Variants in BBS5 observed in about 807,000 individuals in gnomAD.
BBS5 encodes the protein BBSome complex member BBS5.
A neutral mutation model predicts 50.2 loss-of-function variants in BBS5; 39 were observed. The observed-to-expected ratio is 0.78, with a 90% CI of 0.60 to 1.01. The LOEUF is 1.01. Among genes scored for constraint, BBS5 ranks in the 50% least tolerant of loss-of-function variants. BBS5 has a pLI of 0.00. For missense variants in BBS5, 356 were observed against 401.5 expected, an observed-to-expected ratio of 0.89 and a Z score of 0.97; for synonymous variants, 134 against 133.1, an observed-to-expected ratio of 1.01 and a Z score of -0.05.
intron 5 of BBS5, among the ~76,000 whole-genome samples, chr2:169,488,434 C>G (rs1253096527): frequency 6.6e-6 from 1 of 152,222 alleles, no homozygotes. Flanking sequence ...AAGGAGGGCA[C>G]AGTCTAGATC....
chr2:169,499,281 C>G, intron 8 of BBS5: 3 of 525,654 alleles, frequency 5.7e-6, no homozygotes, highest in Non-Finnish European at 1.0e-5. Flanking sequence ...CTTCTTGAAG[C>G]TGGATGATGG....
Position 169,493,019 on chromosome 2 carries a change from A to G in BBS5, c.522+10A>G. ...TTTATCCAGTGATCAGGTATTGTGCAAAGAGCTAGTGAACCTTTTGGGACA... is the reference window on the plus strand; with the variant it reads ...TTTATCCAGTGATCAGGTATTGTGCGAAGAGCTAGTGAACCTTTTGGGACA... On this transcript the variant is annotated intron_variant, in intron 6 of 11. Transcript: ENST00000295240. 1.2e-6 allele frequency: 2 copies of G among 1,613,460 alleles called. No individual in the cohort carries two copies. Among genetic ancestry groups the G allele is most frequent in the African/African-American group, 2.7e-5 (2 of 75,058 alleles).
intron 2 of BBS5, among the ~76,000 whole-genome samples, chr2:169,483,868 G>T (rs1683443706): frequency 6.6e-6 from 1 of 152,144 alleles, no homozygotes; most frequent in African/African-American, 2.4e-5. Context: ...TTTGAGGGTG[G>T]AATAATAATC....
At chr2:169,487,047 T>C (rs1365743067) in intron 2 of BBS5, 22 bp from the exon 3 acceptor site, 1 of 1,577,982 alleles carries the variant, frequency 6.3e-7, no homozygotes, top group African/African-American at 1.3e-5. Flanking sequence ...AGTTAACCTA[T>C]TTTTTGTCTG....
intron 1 of BBS5, 116 bp from the exon 2 acceptor site, chr2:169,482,135 T>C (rs1683407826): frequency 1.3e-6 from 1 of 759,994 alleles, no homozygotes; most frequent in South Asian, 1.5e-5. Flanking sequence ...GAACATTTGG[T>C]ACAGTATTAT....
At chr2:169,500,550 C>T (rs1032727030) in intron 9 of BBS5, among the ~76,000 whole-genome samples, 3 of 152,186 alleles carry the variant, frequency 2.0e-5, no homozygotes, top group Non-Finnish European at 4.4e-5. Flanking sequence ...TGTTGGTGCC[C>T]TTGCCGTTTA....
intron 5 of BBS5, among the ~76,000 whole-genome samples, chr2:169,491,359 T>C (rs189910904): frequency 6.6e-6 from 1 of 152,324 alleles, no homozygotes; most frequent in African/African-American, 2.4e-5. Context: ...GTATTGATGA[T>C]AACAGCACTA....
In BBS5 at chr2:169,504,890, C is replaced by CA; in HGVS notation, c.*311dup. 2.5e-6 allele frequency: 4 copies of CA among 1,613,586 alleles called. No homozygotes were observed. Among genetic ancestry groups the CA allele is most frequent in the Non-Finnish European group, 3.4e-6 (4 of 1,179,858 alleles). Reference sequence around the variant, plus strand: ...ACAGCAGTGCCTGCACGCCCGGCTGCAAATTCGCCCAGCCAATGGGGACGT... The same window carrying CA: ...ACAGCAGTGCCTGCACGCCCGGCTGCAAAATTCGCCCAGCCAATGGGGACGT... On this transcript the variant is annotated 3_prime_UTR_variant, in exon 12 of 12. Coordinates refer to ENST00000295240, the MANE Select transcript of BBS5 (RefSeq NM_152384.3).
At position 169,505,036 on chromosome 2, in the gene BBS5, G is replaced by A; in HGVS notation, c.*454G>A. On this transcript the variant is annotated 3_prime_UTR_variant, in exon 12 of 12. Transcript: ENST00000295240. The stretch of plus-strand genomic sequence containing the variant: ...CTGGACTGTACTGCTGCCATCTCTG[G>A]CTCACTGCAACCTCCCTGCCTGATT... 1.3e-6 allele frequency: 2 copies of A among 1,550,302 alleles called. No individual in the cohort carries two copies. Among genetic ancestry groups the A allele is most frequent in the Non-Finnish European group, 1.8e-6 (2 of 1,130,292 alleles).
intron 7 of BBS5, among the ~76,000 whole-genome samples, chr2:169,495,800 C>T (rs1454518552): frequency 6.6e-6 from 1 of 152,190 alleles, no homozygotes; most frequent in Non-Finnish European, 1.5e-5. Context: ...GGACCACAGG[C>T]GTGCACAGCC....
chr2:169,488,072 C>T lies in BBS5; in HGVS notation c.344C>T (p.Pro115Leu). The T allele has an allele frequency of 6.2e-7, 1 of 1,613,510 alleles. No individual in the cohort carries two copies. The highest frequency in any genetic ancestry group is 8.5e-7 in the Non-Finnish European group (1 of 1,179,608). Residue 115 changes from proline (P) to leucine (L), a missense_variant, in exon 5 of 12, where the codon CCT becomes CTT. By Grantham distance (98) the Pro-to-Leu change is moderately conservative (BLOSUM62 -3). Transcript: ENST00000295240. Reference protein sequence around the residue: ...RFEFIFTNLVPGSPRLFTSVM... With the variant: ...RFEFIFTNLVLGSPRLFTSVM... The stretch of plus-strand genomic sequence containing the variant: ...GAATTTATATTTACAAATTTGGTTC[C>T]TGGAAGCCCTAGACTTTTTACTTCT...
chr2:169,487,163 GA>G (rs562605757), intron 3 of BBS5, 29 bp downstream of exon 3: 10 of 1,519,136 alleles, frequency 6.6e-6, no homozygotes, highest in South Asian at 3.4e-5. Flanking sequence ...TAAGTCTGAA[GA>G]AAAAAAATCC....
At chr2:169,483,615 G>T (rs781378837) in intron 2 of BBS5, among the ~76,000 whole-genome samples, 1 of 152,044 alleles carries the variant, frequency 6.6e-6, no homozygotes, top group East Asian at 1.9e-4. Flanking sequence ...GTTTAGATTC[G>T]GTTGAAGACA....
At chr2:169,488,717 C>G (rs76499096) in intron 5 of BBS5, among the ~76,000 whole-genome samples, 18,051 of 152,190 alleles carry the variant, frequency 0.12, 1,261 homozygotes, top group East Asian at 0.3. Context: ...ATGTTGAGAA[C>G]AACATGTTTT....
At chr2:169,501,539 CATA>C (rs1683801524) in intron 9 of BBS5, among the ~76,000 whole-genome samples, 1 of 152,086 alleles carries the variant, frequency 6.6e-6, no homozygotes, top group Non-Finnish European at 1.5e-5. Flanking sequence ...CCAGCCTCAA[CATA>C]ATAAGACAAC....
intron 1 of BBS5, 73 bp downstream of exon 1, chr2:169,479,685 G>T: frequency 1.3e-6 from 2 of 1,526,798 alleles, no homozygotes. Flanking sequence ...GGACCCGCGG[G>T]CGGAGACTGC....
Position 169,503,181 on chromosome 2 carries a change from G to T in BBS5, c.900+3G>T. The T allele has an allele frequency of 6.2e-7, 1 of 1,605,004 alleles. No homozygotes were observed. The highest frequency in any genetic ancestry group is 1.1e-5 in the South Asian group (1 of 90,732). The stretch of plus-strand genomic sequence containing the variant: ...ATGGTCACACGGATGCTTTTGTGGT[G>T]AGCATCACAAAGGACAGCATTAAAT... On this transcript the variant is annotated splice_donor_region_variant and intron_variant, in intron 10 of 11. Transcript: ENST00000295240.
chr2:169,488,685 C>T (rs1435350048), intron 5 of BBS5, among the ~76,000 whole-genome samples: 1 of 152,186 alleles, frequency 6.6e-6, no homozygotes, highest in African/African-American at 2.4e-5. Context: ...TTCCTCCAAG[C>T]TCTATTGTAA....
At chr2:169,483,515 G>A (rs552409552) in intron 2 of BBS5, among the ~76,000 whole-genome samples, 13 of 152,222 alleles carry the variant, frequency 8.5e-5, no homozygotes, top group Non-Finnish European at 1.6e-4. Flanking sequence ...CTAATAGATG[G>A]CAAGTAGGTA....
Sources: allele counts gnomAD v4.1 joint callset (sites outside exome capture counted in the v4.1 genomes callset), GRCh38; gene constraint gnomAD v4.1.1; transcripts MANE v1.5; gene names NCBI Gene and HGNC (gene_info 2026-07-23, HGNC 2026-07-21).